FUS: variants seen among roughly 807,000 people sequenced by gnomAD.
The protein encoded by FUS is FUS RNA binding protein, also known as RNA-binding protein FUS.
A neutral mutation model predicts 82.7 loss-of-function variants in FUS; 5 were observed. The ratio of observed to expected loss-of-function variants is 0.06; its 90% confidence interval spans 0.03 to 0.13. FUS has a LOEUF of 0.13. Ranked by LOEUF, FUS falls within the 10% of genes least tolerant of loss-of-function variation. The pLI, the probability that FUS is intolerant of heterozygous loss-of-function variation, is 1.00. For missense variants in FUS, 512 were observed against 707.8 expected (o/e 0.72, Z 3.14); for synonymous variants, 281 against 247.4 (o/e 1.14, Z -1.27).
rs753197353 is a variant in FUS, at chr16:31,183,881, C to A, written c.214C>A (p.Pro72Thr). Residue 72 changes from proline (P) to threonine (T), a missense_variant, in exon 4 of 15, where the codon CCC (proline) becomes ACC (threonine). Around this residue, in one of 6 missense-constraint regions of FUS, gnomAD observed 276 missense variants for 303.3 expected, o/e 0.91. Transcript: ENST00000254108. Reference sequence around the variant, plus strand: ...AGCAGGCTATGGAACTCAGTCAACTCCCCAGGGATATGGCTCGACTGGCGG... The same window carrying A: ...AGCAGGCTATGGAACTCAGTCAACTACCCAGGGATATGGCTCGACTGGCGG... ...QNTGYGTQST[P>T]QGYGSTGGYG... 6.2e-7 allele frequency: 1 copy of A among 1,614,148 alleles called. No homozygotes were observed. Among genetic ancestry groups the A allele is most frequent in the Admixed American group, 1.7e-5 (1 of 60,008 alleles).
At chr16:31,185,528 C>T in intron 6 of FUS, 1 of 568,748 alleles carries the variant, frequency 1.8e-6, no homozygotes, top group Non-Finnish European at 3.3e-6. Context: ...ACCGATGATC[C>T]CACTCCTGGG....
downstream of FUS, chr16:31,192,809 T>G (rs1012685776): frequency 2.1e-6 from 1 of 481,492 alleles, no homozygotes; most frequent in Non-Finnish European, 4.1e-6. Context: ...TGACCTCAGG[T>G]GATCCACCTG....
chr16:31,182,695 T>A (rs2079198298), intron 3 of FUS, 31 bp downstream of exon 3: 1 of 1,613,672 alleles, frequency 6.2e-7, no homozygotes. Flanking sequence ...CACCTCTTCC[T>A]ACTCTTTCTG....
chr16:31,189,043 GGATA>G, intron 8 of FUS, 76 bp from the exon 9 acceptor site: 1 of 1,032,794 alleles, frequency 9.7e-7, no homozygotes, highest in Non-Finnish European at 1.5e-6. Context: ...GTTGCTTGAT[GGATA>G]CTAGGTGCTT....
At chr16:31,193,774 A>T (rs1439653239), downstream of FUS, 1 of 529,866 alleles carries the variant, frequency 1.9e-6, no homozygotes, top group African/African-American at 1.9e-5. Context: ...CTGGGACTAC[A>T]GGTGCTTCCT....
chr16:31,194,255 C>A, downstream of FUS: 3 of 531,024 alleles, frequency 5.6e-6, no homozygotes, highest in South Asian at 3.1e-5. Context: ...CACTGATCTA[C>A]CTTTAGGCAT....
At chr16:31,193,838 CAG>C (rs750276574), downstream of FUS, 43 of 511,034 alleles carry the variant, frequency 8.4e-5, no homozygotes, top group Admixed American at 2.4e-4. Context: ...TTTTAAGAAA[CAG>C]GGTTTCACTG....
downstream of FUS, chr16:31,193,768 G>A: frequency 1.9e-6 from 1 of 530,530 alleles, no homozygotes; most frequent in Non-Finnish European, 3.6e-6. Flanking sequence ...AAGTAGCTGG[G>A]ACTACAGGTG....
intron 7 of FUS, chr16:31,187,744 A>T: frequency 8.5e-6 from 2 of 235,076 alleles, no homozygotes; most frequent in Non-Finnish European, 1.7e-5. Flanking sequence ...CGGAAATAAG[A>T]TTTCTGGTCT....
Position 31,191,541 on chromosome 16 carries a change from T to G in FUS, c.*103T>G. 2.4e-6 allele frequency: 3 copies of G among 1,255,252 alleles called. No individual in the cohort carries two copies. Among genetic ancestry groups the G allele is most frequent in the Non-Finnish European group, 2.3e-6 (2 of 860,124 alleles). The allele number at this position is 1,255,252 out of a possible 1,614,324, so 77.8% of individuals were successfully genotyped here. A position where few individuals can be genotyped will look rare whatever the true frequency, so the allele number is the denominator to read the frequency against. On this transcript the variant is annotated 3_prime_UTR_variant, in exon 15 of 15. Transcript: ENST00000254108. ...ATTCCTGATCACCCAAGGGTTTTTT[T>G]GTGTCGGACTATGTAATTGTAACTA...
At chr16:31,184,518 A>G (rs1208418247) in intron 5 of FUS, 122 bp downstream of exon 5, 5 of 1,000,814 alleles carry the variant, frequency 5.0e-6, no homozygotes, top group Non-Finnish European at 7.4e-6. Flanking sequence ...ATCTCGGCTC[A>G]CTGCAAGCTC....
rs12446646 is a variant in FUS, at chr16:31,182,644, C to T, written c.170C>T (p.Ser57Phe). ...TSGYGQSSYS[S>F]YGQSQNTGYG... ...GGCTATGGCCAGAGCAGCTATTCTT[C>T]TTATGGCCAGAGCCAGAACAGTGAG... The change falls in exon 3 of 15, where the codon TCT becomes TTT. Residue 57 changes from serine to phenylalanine, a missense_variant. By Grantham distance (155) the Ser-to-Phe change is radical (BLOSUM62 -2). This residue lies in a region of FUS where 276 missense variants were observed against 303.3 expected (regional missense o/e 0.91). Coordinates refer to ENST00000254108, the MANE Select transcript of FUS (RefSeq NM_004960.4). The T allele has an allele frequency of 1.2e-6, 2 of 1,614,124 alleles. No homozygotes were observed. Among genetic ancestry groups the T allele is most frequent in the Non-Finnish European group, 1.7e-6 (2 of 1,179,952 alleles).
chr16:31,188,490 T>C (rs1270174317), intron 8 of FUS, 133 bp downstream of exon 8: 2 of 930,718 alleles, frequency 2.1e-6, no homozygotes, highest in African/African-American at 3.3e-5. Flanking sequence ...AGGTGTGTCC[T>C]TAGTTAGCAG....
Position 31,190,951 on chromosome 16 carries a change from C to T in FUS, c.1394-12C>T, listed in dbSNP as rs897104477. 1.9e-6 allele frequency: 3 copies of T among 1,610,372 alleles called. No individual in the cohort carries two copies. The highest frequency in any genetic ancestry group is 1.3e-5 in the African/African-American group (1 of 74,712). ...AATGGGAATATGATAGATCTTGTTT[C>T]TTTTGTCCTAGGGGGTAACTACGGG... On this transcript the variant is annotated splice_polypyrimidine_tract_variant and intron_variant, in intron 13 of 14. Coordinates refer to ENST00000254108, the MANE Select transcript of FUS (RefSeq NM_004960.4).
downstream of FUS, chr16:31,192,495 G>C (rs2079375037): frequency 1.9e-6 from 1 of 515,666 alleles, no homozygotes; most frequent in African/African-American, 1.9e-5. Context: ...TAAGACAGCT[G>C]CCATCACAAG....
At chr16:31,185,569 C>A (rs779884617) in intron 6 of FUS, 29 of 537,322 alleles carry the variant, frequency 5.4e-5, no homozygotes, top group African/African-American at 4.7e-4. Context: ...ATGTGTATTC[C>A]CATGTGTCCT....
intron 9 of FUS, 111 bp downstream of exon 9, chr16:31,189,337 T>G: frequency 2.2e-6 from 2 of 906,908 alleles, no homozygotes; most frequent in Non-Finnish European, 3.7e-6. Flanking sequence ...CAAGTCTTAG[T>G]GGTTGTTGCC....
In FUS at chr16:31,184,236, C is replaced by T. The variant is rs752869267; in HGVS notation, c.363C>T (p.Ser121=). 3.7e-6 allele frequency: 6 copies of T among 1,614,142 alleles called. No homozygotes were observed. In the East Asian group the frequency reaches 1.3e-4, roughly 36 times the overall value. ...GSYGSSSQSS[S]YGQPQSGSYS... ...ACGGTAGCAGTTCTCAGAGCAGCAG[C>T]TATGGGCAGCCCCAGAGTGGGAGCT... Residue 121 remains serine, a synonymous_variant, in exon 5 of 15, where the codon AGC becomes AGT. Coordinates refer to ENST00000254108, the MANE Select transcript of FUS (RefSeq NM_004960.4).
chr16:31,191,037 G>T lies in FUS; in HGVS notation c.1468G>T (p.Asp490Tyr). 6.2e-7 allele frequency: 1 copy of T among 1,613,884 alleles called. No homozygotes were observed. Among genetic ancestry groups the T allele is most frequent in the Non-Finnish European group, 8.5e-7 (1 of 1,180,002 alleles). Residue 490 changes from aspartate (D) to tyrosine (Y), a missense_variant, in exon 14 of 15, where the codon GAC becomes TAC. This residue lies in a region of FUS where 96 missense variants were observed against 120.7 expected (regional missense o/e 0.80). Transcript: ENST00000254108. The part of the protein sequence containing the change: ...DRGGYRGRGG[D>Y]RGGFRGGRGG... The stretch of plus-strand genomic sequence containing the variant: ...AGGCGGCTACCGGGGCCGCGGCGGG[G>T]ACCGTGGAGGCTTCCGAGGGGGCCG...
Sources: gnomAD v4.1 joint callset for allele counts on GRCh38, gnomAD v4.1.1 for gene constraint, gnomAD v4.1.1 regional missense constraint, MANE v1.5 for transcripts, NCBI Gene and HGNC (gene_info 2026-07-23, HGNC 2026-07-21) for gene names.